ISY1: variants seen among roughly 807,000 people sequenced by gnomAD.
The protein encoded by ISY1 is ISY1 spliceosome associated protein, also known as pre-mRNA-splicing factor ISY1 homolog.
ISY1 carries 12 observed loss-of-function variants against 54.4 expected under a neutral mutation model. That is an observed-to-expected ratio of 0.22 (90% CI 0.14 to 0.36). The LOEUF is 0.36. ISY1 is among the 10% of genes least tolerant of loss of function. The probability of loss-of-function intolerance (pLI) is 1.00; values close to 1 mark genes in which losing one functional copy is unlikely to be tolerated. For missense variants in ISY1, 282 were observed against 342.2 expected (o/e 0.82, Z 1.39); for synonymous variants, 96 against 117.9 (o/e 0.81, Z 1.20).
rs2880004 is a variant in ISY1 at position 129,138,416 on chromosome 3, A to G, written c.418+1952T>C. ...TTTGGGAAGCTGAGGCAGGTGGATC[A>G]CGAGGTCAGGAGATCGAGACCATCC... is the stretch of plus-strand genomic sequence containing the variant. On this transcript the variant is annotated intron_variant, in intron 7 of 10. Coordinates refer to ENST00000393295, the MANE Select transcript of ISY1 (RefSeq NM_020701.4). Among the ~76,000 whole-genome samples the G allele has an allele frequency of 8.9e-3, 1,348 of 152,130 alleles. 14 individuals are homozygous for G. The highest frequency in any genetic ancestry group is 0.026 in the African/African-American group (1,071 of 41,512).
chr3:129,158,436 G>A, intron 3 of ISY1, 72 bp downstream of exon 3: 3 of 1,598,788 alleles, frequency 1.9e-6, no homozygotes, highest in East Asian at 2.2e-5. Flanking sequence ...TGGGATTACA[G>A]GCATGAGCCA....
At chr3:129,149,427 CAAAAAAAAAAAA>C (rs767849123) in intron 5 of ISY1, among the ~76,000 whole-genome samples, 17 of 24,214 alleles carry the variant, frequency 7.0e-4, no homozygotes, top group South Asian at 1.5e-3. Context: ...AACTCTATCT[CAAAAAAAAAAAA>C]AAAAAAAAAA....
intron 5 of ISY1, among the ~76,000 whole-genome samples, chr3:129,150,914 C>T (rs2107615506): frequency 6.6e-6 from 1 of 150,898 alleles, no homozygotes; most frequent in African/African-American, 2.4e-5. Context: ...CACTTGAGCC[C>T]AGAAGTTCCA....
chr3:129,155,526 C>T (rs1387066670), intron 5 of ISY1, among the ~76,000 whole-genome samples: 1 of 151,864 alleles, frequency 6.6e-6, no homozygotes, highest in African/African-American at 2.4e-5. Flanking sequence ...GCACTATATC[C>T]CATAAATTTT....
chr3:129,149,488 C>T (rs993838671), intron 5 of ISY1, among the ~76,000 whole-genome samples: 3 of 140,132 alleles, frequency 2.1e-5, no homozygotes, highest in African/African-American at 8.0e-5. Flanking sequence ...GCAGCTCACG[C>T]CTGTAGTCCC....
chr3:129,151,253 C>G (rs1936961271), intron 5 of ISY1, among the ~76,000 whole-genome samples: 1 of 150,562 alleles, frequency 6.6e-6, no homozygotes. Flanking sequence ...TATTGAACTT[C>G]TTTTCTGTGA....
intron 6 of ISY1, among the ~76,000 whole-genome samples, chr3:129,141,222 T>G (rs1204995628): frequency 6.7e-6 from 1 of 148,790 alleles, no homozygotes; most frequent in East Asian, 2.0e-4. Context: ...AATAAATAAA[T>G]AAATAAATAA....
chr3:129,140,620 G>A (rs1209585689), intron 6 of ISY1, 135 bp from the exon 7 acceptor site: 47 of 954,618 alleles, frequency 4.9e-5, no homozygotes, highest in Non-Finnish European at 6.4e-5. Flanking sequence ...CTGTTGCCCA[G>A]GCTGGAGTGC....
Position 129,156,888 on chromosome 3 carries a change from A to G in ISY1, c.111T>C (p.Thr37=), listed in dbSNP as rs1937158978. ...ERRPFLASEC[T]ELPKAEKWRR... is the part of the protein sequence containing the mutation. Reference sequence around the variant, plus strand: ...TCCACTTCTCAGCTTTAGGCAGTTCAGTACATTCTGAGGCCAGAAAGGGTC... The same window carrying G: ...TCCACTTCTCAGCTTTAGGCAGTTCGGTACATTCTGAGGCCAGAAAGGGTC... The change falls in exon 4 of 11, where the codon ACT becomes ACC. Residue 37 remains threonine, a synonymous_variant. Coordinates refer to ENST00000393295, the MANE Select transcript of ISY1 (RefSeq NM_020701.4). 3 of 1,614,102 alleles carry G rather than the reference A, an allele frequency of 1.9e-6. No homozygotes were observed. The highest frequency in any genetic ancestry group is 3.3e-5 in the Admixed American group (2 of 60,024).
At chr3:129,157,695 T>C (rs1937185171) in intron 3 of ISY1, among the ~76,000 whole-genome samples, 1 of 128,510 alleles carries the variant, frequency 7.8e-6, no homozygotes, top group African/African-American at 3.0e-5. Flanking sequence ...CACTCCAGCC[T>C]GAGCGACAGA....
intron 6 of ISY1, among the ~76,000 whole-genome samples, chr3:129,144,767 T>C (rs1373152597): frequency 2.6e-5 from 4 of 152,160 alleles, no homozygotes; most frequent in Non-Finnish European, 4.4e-5. Flanking sequence ...TCTTAAAAGT[T>C]TGAAAGCTAT....
intron 5 of ISY1, among the ~76,000 whole-genome samples, chr3:129,150,084 A>AAGCTGGAAGCTGGAG (rs2107614860): frequency 6.6e-6 from 1 of 152,000 alleles, no homozygotes; most frequent in South Asian, 2.1e-4. Context: ...CACCAATACC[A>AAGCTGGAAGCTGGAG]CATTATCTGG....
chr3:129,134,266 C>T, intron 8 of ISY1, 71 bp from the exon 9 acceptor site: 1 of 1,603,554 alleles, frequency 6.2e-7, no homozygotes, highest in Non-Finnish European at 8.5e-7. Context: ...CAGGGAAAGG[C>T]CAACACTATG....
intron 5 of ISY1, among the ~76,000 whole-genome samples, chr3:129,155,868 TG>T (rs1025899146): frequency 6.6e-6 from 1 of 151,972 alleles, no homozygotes; most frequent in African/African-American, 2.4e-5. Flanking sequence ...ATTACAAGCA[TG>T]CGCTACCACG....
Position 129,134,142 on chromosome 3 carries a change from T to C in ISY1, c.595A>G (p.Arg199Gly), listed in dbSNP as rs766768318. The change falls in exon 9 of 11, where the codon AGA becomes GGA. Residue 199 changes from arginine to glycine, a missense_variant. Coordinates refer to ENST00000393295, the MANE Select transcript of ISY1 (RefSeq NM_020701.4). ...TCCTCCTCCTCTTCCTTTTCTCCTC[T>C]TGCCAGCCGAGCCTCTCTCTCTGCT... is the stretch of plus-strand genomic sequence containing the variant. ...WKAEREARLA[R>G]GEKEEEEEEE... 1 of 1,614,172 alleles carries C rather than the reference T, an allele frequency of 6.2e-7. No homozygotes were observed. Among genetic ancestry groups the C allele is most frequent in the Non-Finnish European group, 8.5e-7 (1 of 1,180,032 alleles).
At chr3:129,133,381 C>T (rs545472912) in intron 9 of ISY1, among the ~76,000 whole-genome samples, 12 of 152,284 alleles carry the variant, frequency 7.9e-5, no homozygotes, top group South Asian at 2.1e-4. Flanking sequence ...CTCTGCTCTG[C>T]GTTTCTTTCC....
intron 6 of ISY1, among the ~76,000 whole-genome samples, chr3:129,141,193 T>TTAAATAAATAAA (rs113443810): frequency 0.013 from 1,746 of 139,676 alleles, 43 homozygotes; most frequent in African/African-American, 0.043. Flanking sequence ...CTGGAGTAAA[T>TTAAATAAATAAA]TAAATAAATA....
At position 129,149,641 on chromosome 3, in the gene ISY1, A is replaced by AC. The variant is rs1400467744; in HGVS notation, c.188-3769_188-3768insG. 4.7e-4 allele frequency among the ~76,000 whole-genome samples: 58 copies of AC among 123,222 alleles called. 1 individual carries two copies. Among genetic ancestry groups the AC allele is most frequent in the African/African-American group, 5.7e-4 (20 of 35,378 alleles). The allele number at this position is 123,222 out of a possible 152,430, so 80.8% of individuals were successfully genotyped here. ...TATATATATATATATATATATACAC[A>AC]AAAAAAATCAGCTATGCATGGTGGC... is the stretch of plus-strand genomic sequence containing the variant. On this transcript the variant is annotated intron_variant, in intron 5 of 10. Coordinates refer to ENST00000393295, the MANE Select transcript of ISY1 (RefSeq NM_020701.4).
intron 1 of ISY1, 54 bp downstream of exon 1, chr3:129,160,919 C>T (rs530601055): frequency 4.7e-5 from 20 of 428,634 alleles, no homozygotes; most frequent in South Asian, 2.7e-4. Context: ...GGACTGGGCG[C>T]CCCCCCGCCC....
Sources: gnomAD v4.1 joint callset for allele counts (sites outside exome capture counted in the v4.1 genomes callset) on GRCh38, gnomAD v4.1.1 for gene constraint, MANE v1.5 for transcripts, NCBI Gene and HGNC (gene_info 2026-07-23, HGNC 2026-07-21) for gene names.